Variants in DSCAM observed in about 807,000 individuals in gnomAD.
DSCAM encodes cell adhesion molecule DSCAM.
DSCAM carries 47 observed loss-of-function variants against 217.7 expected under a neutral mutation model. The observed-to-expected ratio is 0.22, with a 90% CI of 0.17 to 0.28. The LOEUF is 0.28. DSCAM is among the 10% of genes least tolerant of loss of function. The pLI, the probability that DSCAM is intolerant of heterozygous loss-of-function variation, is 1.00. For missense variants in DSCAM, 2,080 were observed against 2,618.3 expected (o/e 0.79, Z 4.49); for synonymous variants, 1,056 against 1,015.3 (o/e 1.04, Z -0.76).
At chr21:40,083,446 CA>C (rs1471810092) in intron 24 of DSCAM, among the ~76,000 whole-genome samples, 1 of 152,164 alleles carries the variant, frequency 6.6e-6, no homozygotes, top group African/African-American at 2.4e-5. Flanking sequence ...CAAAACAAAA[CA>C]AAATCTTGTT....
At chr21:40,305,366 G>A (rs138082284) in intron 9 of DSCAM, among the ~76,000 whole-genome samples, 110 of 145,486 alleles carry the variant, frequency 7.6e-4, no homozygotes, top group African/African-American at 2.8e-3. Flanking sequence ...CTGCAGCCTG[G>A]GTGACAGAGC....
At chr21:40,072,555 A>T (rs538065056) in intron 27 of DSCAM, among the ~76,000 whole-genome samples, 7 of 151,982 alleles carry the variant, frequency 4.6e-5, no homozygotes, top group East Asian at 3.9e-4. Context: ...TCACCATGTT[A>T]GCCAGGATGG....
intron 1 of DSCAM, among the ~76,000 whole-genome samples, chr21:40,763,294 C>T (rs1354214955): frequency 6.6e-6 from 1 of 152,004 alleles, no homozygotes; most frequent in Non-Finnish European, 1.5e-5. Context: ...TCCTATACAC[C>T]AATAATAGAC....
At chr21:40,044,590 A>G (rs904872770) in intron 30 of DSCAM, among the ~76,000 whole-genome samples, 39 of 152,168 alleles carry the variant, frequency 2.6e-4, no homozygotes, top group African/African-American at 8.0e-4. Flanking sequence ...CTAGAAATGG[A>G]ATGAGGGGAG....
chr21:40,228,915 T>C (rs2091357248), intron 11 of DSCAM, among the ~76,000 whole-genome samples: 1 of 152,154 alleles, frequency 6.6e-6, no homozygotes, highest in African/African-American at 2.4e-5. Flanking sequence ...TATACACACA[T>C]CTATGAATAT....
intron 27 of DSCAM, among the ~76,000 whole-genome samples, chr21:40,069,496 T>TCA (rs1242524449): frequency 2.6e-5 from 4 of 152,212 alleles, no homozygotes; most frequent in Non-Finnish European, 5.9e-5. Context: ...CTGAACTGCC[T>TCA]CACATTTTGC....
chr21:40,617,728 T>G (rs2089423057), intron 3 of DSCAM, among the ~76,000 whole-genome samples: 1 of 152,210 alleles, frequency 6.6e-6, no homozygotes, highest in African/African-American at 2.4e-5. Context: ...GACATTGCCA[T>G]ATGACTTCTG....
chr21:40,732,849 C>T (rs1386099265), intron 1 of DSCAM, among the ~76,000 whole-genome samples: 9 of 152,186 alleles, frequency 5.9e-5, no homozygotes, highest in Non-Finnish European at 7.3e-5. Context: ...GCCAGCACCA[C>T]GGATATGATG....
At chr21:40,514,144 A>C (rs1451613982) in intron 3 of DSCAM, among the ~76,000 whole-genome samples, 1 of 152,212 alleles carries the variant, frequency 6.6e-6, no homozygotes, top group African/African-American at 2.4e-5. Flanking sequence ...AAAACAATTT[A>C]AGAGAAACAG....
intron 1 of DSCAM, among the ~76,000 whole-genome samples, chr21:40,803,102 G>C (rs2091756718): frequency 6.6e-6 from 1 of 152,186 alleles, no homozygotes; most frequent in Non-Finnish European, 1.5e-5. Context: ...CAGTTTCTAA[G>C]AGGAAAATAA....
chr21:40,269,770 G>A (rs571844518), intron 11 of DSCAM, among the ~76,000 whole-genome samples: 1 of 152,206 alleles, frequency 6.6e-6, no homozygotes, highest in South Asian at 2.1e-4. Context: ...CACCCAGATT[G>A]TCCCCTTTTA....
intron 1 of DSCAM, among the ~76,000 whole-genome samples, chr21:40,826,750 A>G (rs896889284): frequency 6.6e-6 from 1 of 152,180 alleles, no homozygotes; most frequent in Non-Finnish European, 1.5e-5. Flanking sequence ...CCAAAATGTG[A>G]GATAGAAGTG....
chr21:40,585,932 C>T (rs2076943175), intron 3 of DSCAM, among the ~76,000 whole-genome samples: 1 of 152,226 alleles, frequency 6.6e-6, no homozygotes, highest in African/African-American at 2.4e-5. Context: ...TCTCAGCTCA[C>T]TGCAACCTCT....
intron 11 of DSCAM, among the ~76,000 whole-genome samples, chr21:40,233,768 A>G (rs945001903): frequency 1.1e-4 from 17 of 152,168 alleles, no homozygotes; most frequent in Admixed American, 5.9e-4. Flanking sequence ...TACTACACAC[A>G]ACTCGGCATT....
chr21:40,357,347 A>G (rs1467359849), intron 4 of DSCAM, among the ~76,000 whole-genome samples: 1 of 152,186 alleles, frequency 6.6e-6, no homozygotes, highest in African/African-American at 2.4e-5. Flanking sequence ...GATCTCTGGC[A>G]TCTTCTAGCA....
chr21:40,564,762 A>T (rs2076752340), intron 3 of DSCAM, among the ~76,000 whole-genome samples: 2 of 152,202 alleles, frequency 1.3e-5, no homozygotes. Context: ...ATTTCCTAAA[A>T]TTTTGTGTCT....
intron 11 of DSCAM, among the ~76,000 whole-genome samples, chr21:40,269,110 G>C (rs2073580261): frequency 6.6e-6 from 1 of 152,120 alleles, no homozygotes; most frequent in African/African-American, 2.4e-5. Flanking sequence ...TGGAGATGCT[G>C]CTCTCTCCTT....
intron 3 of DSCAM, among the ~76,000 whole-genome samples, chr21:40,462,547 C>T (rs1007361050): frequency 6.6e-6 from 1 of 152,190 alleles, no homozygotes; most frequent in Admixed American, 6.5e-5. Flanking sequence ...GCACCCAAGA[C>T]CCATGGAATT....
intron 26 of DSCAM, among the ~76,000 whole-genome samples, chr21:40,077,690 T>C (rs570458761): frequency 1.3e-5 from 2 of 152,306 alleles, no homozygotes; most frequent in South Asian, 4.1e-4. Flanking sequence ...TCACAAAGCA[T>C]CACCCACAGG....
Sources: allele counts gnomAD v4.1 joint callset (sites outside exome capture counted in the v4.1 genomes callset), GRCh38; gene constraint gnomAD v4.1.1; transcripts MANE v1.5; gene names NCBI Gene and HGNC (gene_info 2026-07-23, HGNC 2026-07-21).